The following ARHGAP44 variants were observed in gnomAD, a reference collection of about 807,000 sequenced individuals.
ARHGAP44 encodes the protein rho GTPase-activating protein 44.
Under a neutral mutation model 106.8 loss-of-function variants are expected in ARHGAP44, and 43 were observed. That is an observed-to-expected ratio of 0.40 (90% CI 0.32 to 0.52). The LOEUF is 0.52. Ranked by LOEUF, ARHGAP44 falls within the 20% of genes least tolerant of loss-of-function variation. The pLI, the probability that ARHGAP44 is intolerant of heterozygous loss-of-function variation, is 0.48. For synonymous variants in ARHGAP44, 439 were observed against 410.3 expected (o/e 1.07, Z -0.85); for missense variants, 866 against 1,050.5 (o/e 0.82, Z 2.43).
At chr17:12,923,651 T>C (rs1220558274) in intron 6 of ARHGAP44, among the ~76,000 whole-genome samples, 3 of 152,192 alleles carry the variant, frequency 2.0e-5, no homozygotes, top group Non-Finnish European at 4.4e-5. Context: ...GTATGAGTTA[T>C]AGGCTACAGG....
Position 12,990,300 on chromosome 17 carries a change from G to C in ARHGAP44, c.*129G>C, listed in dbSNP as rs114081020. The C allele has an allele frequency of 2.2e-3, 2,836 of 1,286,500 alleles. 66 individuals carry two copies. In the African/African-American group the frequency reaches 0.037, roughly 17 times the overall value. 79.7% of individuals were successfully genotyped at this position (1,286,500 alleles called of 1,614,324 possible). On this transcript the variant is annotated 3_prime_UTR_variant, in exon 21 of 21. Coordinates refer to ENST00000379672, the MANE Select transcript of ARHGAP44 (RefSeq NM_014859.6). ...TTCCTGCCACTGCCAACACGAGGTT[G>C]GAATTTGGCAGAAAATTGTGATCTC...
intron 3 of ARHGAP44, among the ~76,000 whole-genome samples, chr17:12,907,897 C>T (rs902997535): frequency 6.6e-6 from 1 of 152,154 alleles, no homozygotes; most frequent in African/African-American, 2.4e-5. Context: ...TACACCTTCA[C>T]AGTGCTGCAC....
At chr17:12,883,492 T>A (rs1008921336) in intron 1 of ARHGAP44, among the ~76,000 whole-genome samples, 29 of 151,996 alleles carry the variant, frequency 1.9e-4, no homozygotes, top group African/African-American at 7.0e-4. Context: ...TCTAAGAAAT[T>A]GAGTTTCTGT....
intron 1 of ARHGAP44, among the ~76,000 whole-genome samples, chr17:12,880,160 A>G (rs1016753103): frequency 6.6e-6 from 1 of 152,142 alleles, no homozygotes; most frequent in South Asian, 2.1e-4. Flanking sequence ...ATATGCTTAA[A>G]TACTTAGTAC....
chr17:12,988,121 A>T (rs2040006263), intron 20 of ARHGAP44: 1 of 152,198 alleles, frequency 6.6e-6, no homozygotes, highest in South Asian at 2.1e-4. Flanking sequence ...AGGAATGCTG[A>T]TGAGGGCTTC....
intron 15 of ARHGAP44, among the ~76,000 whole-genome samples, chr17:12,957,967 G>A (rs950696556): frequency 4.6e-5 from 7 of 152,274 alleles, no homozygotes; most frequent in African/African-American, 1.7e-4. Flanking sequence ...TTTTAAGGTC[G>A]AACTGCTGAC....
At chr17:12,845,196 G>C (rs1229305540) in intron 1 of ARHGAP44, among the ~76,000 whole-genome samples, 1 of 144,578 alleles carries the variant, frequency 6.9e-6, no homozygotes, top group African/African-American at 2.8e-5. Flanking sequence ...ATGACATTCT[G>C]TGTGTTCATT....
At chr17:12,938,003 C>T (rs1468531985) in intron 7 of ARHGAP44, among the ~76,000 whole-genome samples, 1 of 151,988 alleles carries the variant, frequency 6.6e-6, no homozygotes, top group African/African-American at 2.4e-5. Flanking sequence ...GAGGCTGAGG[C>T]AGGAGAATCG....
At chr17:12,877,355 G>C (rs375746009) in intron 1 of ARHGAP44, among the ~76,000 whole-genome samples, 4 of 152,192 alleles carry the variant, frequency 2.6e-5, no homozygotes, top group African/African-American at 9.6e-5. Flanking sequence ...TTGGAAAATA[G>C]GGGTGTCTAC....
At chr17:12,963,368 A>G (rs1432875843) in intron 16 of ARHGAP44, among the ~76,000 whole-genome samples, 1 of 152,164 alleles carries the variant, frequency 6.6e-6, no homozygotes, top group African/African-American at 2.4e-5. Context: ...TCACTCTTGG[A>G]GCCCAGTACC....
chr17:12,935,950 C>T (rs1249177121), intron 7 of ARHGAP44, among the ~76,000 whole-genome samples: 1 of 152,212 alleles, frequency 6.6e-6, no homozygotes, highest in Non-Finnish European at 1.5e-5. Context: ...AGATCTCAAT[C>T]TCAAATCTGT....
At chr17:12,920,202 T>C (rs940273313) in intron 6 of ARHGAP44, among the ~76,000 whole-genome samples, 40 of 151,960 alleles carry the variant, frequency 2.6e-4, no homozygotes, top group Admixed American at 5.9e-4. Flanking sequence ...GGTGAAACCC[T>C]GTCTCTACTA....
At chr17:12,879,931 AG>A (rs1209672412) in intron 1 of ARHGAP44, among the ~76,000 whole-genome samples, 1 of 151,976 alleles carries the variant, frequency 6.6e-6, no homozygotes, top group Non-Finnish European at 1.5e-5. Flanking sequence ...ATAAAACAAG[AG>A]AAAATACTAA....
In ARHGAP44 at chr17:12,944,079, A is replaced by G. The variant is rs199549622; in HGVS notation, c.744A>G (p.Val248=). ...PQIKAQQEAW[V]EKPSFGKPLE... Reference sequence around the variant, plus strand: ...CACTCCTCCCCTCAGAGGCCTGGGTAGAGAAGCCTTCCTTCGGGAAGCCGC... The same window carrying G: ...CACTCCTCCCCTCAGAGGCCTGGGTGGAGAAGCCTTCCTTCGGGAAGCCGC... Residue 248 remains valine (V), a synonymous_variant, in exon 10 of 21, where the codon GTA becomes GTG. Transcript: ENST00000379672. The G allele has an allele frequency of 5.9e-4, 948 of 1,611,538 alleles. 4 individuals carry two copies. Among genetic ancestry groups the G allele is most frequent in the Admixed American group, 1.3e-3 (80 of 59,836 alleles).
chr17:12,920,864 A>G (rs1455224253), intron 6 of ARHGAP44, among the ~76,000 whole-genome samples: 1 of 152,104 alleles, frequency 6.6e-6, no homozygotes. Flanking sequence ...CTGTAGTAGC[A>G]GGCGGGTGCC....
intron 1 of ARHGAP44, among the ~76,000 whole-genome samples, chr17:12,801,295 GT>G (rs1261390297): frequency 6.6e-6 from 1 of 152,252 alleles, no homozygotes; most frequent in Non-Finnish European, 1.5e-5. Context: ...CCTAGATGCT[GT>G]TTAAGTGTGT....
chr17:12,801,766 A>G (rs994589384), intron 1 of ARHGAP44, among the ~76,000 whole-genome samples: 2 of 152,222 alleles, frequency 1.3e-5, no homozygotes, highest in African/African-American at 2.4e-5. Flanking sequence ...GAAATCAGGA[A>G]AGACTAGAAG....
chr17:12,989,119 A>AAAC (rs2040040918), intron 20 of ARHGAP44, among the ~76,000 whole-genome samples: 5 of 146,764 alleles, frequency 3.4e-5, no homozygotes, highest in African/African-American at 1.2e-4. Flanking sequence ...AAAAAAAAAA[A>AAAC]AAAAAACTAA....
intron 18 of ARHGAP44, 144 bp from the exon 19 acceptor site, chr17:12,979,914 T>A: frequency 1.2e-6 from 1 of 846,384 alleles, no homozygotes; most frequent in African/African-American, 1.7e-5. Flanking sequence ...CCTGCGAAGG[T>A]TTTAGGAAGG....
Sources: allele counts gnomAD v4.1 joint callset (sites outside exome capture counted in the v4.1 genomes callset), GRCh38; gene constraint gnomAD v4.1.1; transcripts MANE v1.5; gene names NCBI Gene and HGNC (gene_info 2026-07-23, HGNC 2026-07-21).